Variants in NYAP2 observed in about 807,000 individuals in gnomAD.
NYAP2 encodes the protein neuronal tyrosine-phosphorylated phosphoinositide-3-kinase adapter 2.
NYAP2 carries 23 observed loss-of-function variants against 50.4 expected under a neutral mutation model. That is an observed-to-expected ratio of 0.46 (90% CI 0.33 to 0.65). The LOEUF (loss-of-function observed/expected upper bound fraction) is 0.65. Ranked by LOEUF, NYAP2 falls within the 30% of genes least tolerant of loss-of-function variation. The probability of loss-of-function intolerance (pLI) is 0.02; values close to 1 mark genes in which losing one functional copy is unlikely to be tolerated. For missense variants in NYAP2, 885 were observed against 861.0 expected, an observed-to-expected ratio of 1.03 and a Z score of -0.35; for synonymous variants, 394 against 365.2, an observed-to-expected ratio of 1.08 and a Z score of -0.90.
At chr2:225,665,265 C>T in the NYAP2 span, among the ~76,000 whole-genome samples, 2 of 152,032 alleles carry the variant, frequency 1.3e-5, no homozygotes, top group African/African-American at 4.8e-5. Context: ...GAGACCTCCT[C>T]CTTGGGTGAT....
chr2:225,506,299 G>T (rs928700391), intron 3 of NYAP2, among the ~76,000 whole-genome samples: 1 of 152,188 alleles, frequency 6.6e-6, no homozygotes, highest in Non-Finnish European at 1.5e-5. Context: ...GTAAGTGAAT[G>T]TGACCAGCCA....
intron 4 of NYAP2, among the ~76,000 whole-genome samples, chr2:225,533,457 C>T (rs777893807): frequency 2.0e-5 from 3 of 152,122 alleles, no homozygotes; most frequent in Admixed American, 6.5e-5. Flanking sequence ...AAGGCTAAGG[C>T]GGGTGGAGTG....
At chr2:225,537,881 G>A (rs553304552) in intron 4 of NYAP2, among the ~76,000 whole-genome samples, 1 of 152,328 alleles carries the variant, frequency 6.6e-6, no homozygotes, top group South Asian at 2.1e-4. Context: ...TGGGGATACA[G>A]GCATTGGATA....
intron 4 of NYAP2, among the ~76,000 whole-genome samples, chr2:225,564,815 A>G (rs1691935717): frequency 6.6e-6 from 1 of 152,118 alleles, no homozygotes. Flanking sequence ...AAAATAACTC[A>G]CCAATGTAAT....
chr2:225,513,753 T>G (rs1574652862), intron 4 of NYAP2, 81 bp downstream of exon 4: 1 of 1,129,738 alleles, frequency 8.9e-7, no homozygotes, highest in Non-Finnish European at 1.2e-6. Flanking sequence ...GGCAAGTGCC[T>G]TCTTCACTGG....
rs191311101 is a variant in NYAP2, at chr2:225,475,839, T to C, written c.222-37532T>C. Among the ~76,000 whole-genome samples, 8 of 152,300 alleles carry C rather than the reference T, an allele frequency of 5.3e-5. No homozygotes were observed. The East Asian group carries it at 1.5e-3, about 29-fold the overall frequency. ...TCAGTGTCTCATAAAAGCTATTTAT[T>C]TAGAATATTCTCTGGCAGTAGTGGT... On this transcript the variant is annotated intron_variant, in intron 3 of 6. Transcript: ENST00000636099.
intron 3 of NYAP2, among the ~76,000 whole-genome samples, chr2:225,473,467 C>T (rs1203144835): frequency 2.0e-5 from 3 of 152,168 alleles, no homozygotes; most frequent in Non-Finnish European, 4.4e-5. Context: ...CTCTCCAGCA[C>T]CTGTTGTTTC....
At chr2:225,519,389 A>AT (rs1691005216) in intron 4 of NYAP2, among the ~76,000 whole-genome samples, 1 of 150,874 alleles carries the variant, frequency 6.6e-6, no homozygotes, top group African/African-American at 2.4e-5. Context: ...ATCATTTAGC[A>AT]TTAGGTATAT....
intron 3 of NYAP2, among the ~76,000 whole-genome samples, chr2:225,494,772 A>G (rs1194045615): frequency 2.0e-5 from 3 of 152,188 alleles, no homozygotes; most frequent in East Asian, 3.8e-4. Context: ...TGGAGAAGGA[A>G]AAAGAAAGAG....
At chr2:225,405,619 T>C (rs1364257674) in intron 2 of NYAP2, among the ~76,000 whole-genome samples, 1 of 152,134 alleles carries the variant, frequency 6.6e-6, no homozygotes, top group African/African-American at 2.4e-5. Flanking sequence ...AAGTAGACAA[T>C]GAACATAAGG....
intron 3 of NYAP2, among the ~76,000 whole-genome samples, chr2:225,505,832 C>T (rs971562171): frequency 2.6e-5 from 4 of 152,186 alleles, no homozygotes; most frequent in African/African-American, 9.7e-5. Context: ...TAGCTATAGC[C>T]AGGTCTTCCT....
At chr2:225,606,715 A>G (rs1184879029) in intron 5 of NYAP2, among the ~76,000 whole-genome samples, 1 of 152,148 alleles carries the variant, frequency 6.6e-6, no homozygotes, top group Non-Finnish European at 1.5e-5. Context: ...TCCAATAGAT[A>G]ATTGGTCTAC....
intron 5 of NYAP2, among the ~76,000 whole-genome samples, chr2:225,615,127 C>T (rs561533831): frequency 6.6e-6 from 1 of 152,104 alleles, no homozygotes; most frequent in African/African-American, 2.4e-5. Flanking sequence ...AATGGCTAGA[C>T]CTCGGTTATA....
Position 225,582,711 on chromosome 2 carries a change from A to G in NYAP2, c.1294A>G (p.Ser432Gly). Residue 432 changes from serine (S) to glycine (G), a missense_variant, in exon 5 of 7, where the codon AGT (serine) becomes GGT (glycine). Physicochemically the swap from Ser to Gly is moderately conservative, Grantham distance 56. Coordinates refer to ENST00000636099, the Ensembl canonical transcript of NYAP2. This position sits in a 1 kb window ranked among gnomAD's most constrained non-coding sequence, Gnocchi z 7.0. Reference sequence around the variant, plus strand: ...CCAGTCTCCCCATGGCTACCCTAAAAGTCACTCCACCTCTCCCTCCCCCGT... The same window carrying G: ...CCAGTCTCCCCATGGCTACCCTAAAGGTCACTCCACCTCTCCCTCCCCCGT... 6.2e-7 allele frequency: 1 copy of G among 1,608,938 alleles called. No individual in the cohort carries two copies. The highest frequency in any genetic ancestry group is 8.5e-7 in the Non-Finnish European group (1 of 1,176,776).
chr2:225,412,156 A>C (rs1348874259), intron 3 of NYAP2, among the ~76,000 whole-genome samples: 1 of 146,610 alleles, frequency 6.8e-6, no homozygotes, highest in Non-Finnish European at 1.5e-5. Context: ...ATGGGGTTTT[A>C]CCATGTTGGC....
chr2:225,518,546 AT>A (rs1559202473), intron 4 of NYAP2, among the ~76,000 whole-genome samples: 956 of 74,312 alleles, frequency 0.013, 134 homozygotes, highest in East Asian at 0.06. Context: ...ATATATATAT[AT>A]ATATATATAT....
intron 3 of NYAP2, among the ~76,000 whole-genome samples, chr2:225,453,013 A>C (rs1407735148): frequency 1.3e-5 from 2 of 152,210 alleles, no homozygotes; most frequent in African/African-American, 2.4e-5. Context: ...TGCCCAGCTG[A>C]GTGATGAAAC....
intron 2 of NYAP2, among the ~76,000 whole-genome samples, chr2:225,402,880 A>T (rs1013886813): frequency 2.0e-5 from 3 of 151,736 alleles, no homozygotes; most frequent in African/African-American, 4.9e-5. Context: ...ATCAGAAAAA[A>T]ATTTTGACAT....
chr2:225,672,228 T>G, the NYAP2 span, among the ~76,000 whole-genome samples: 1 of 152,156 alleles, frequency 6.6e-6, no homozygotes, highest in Non-Finnish European at 1.5e-5. Context: ...AAAAGTCTTT[T>G]TAGTATAGCC....
Sources: allele counts gnomAD v4.1 joint callset (sites outside exome capture counted in the v4.1 genomes callset), GRCh38; gene constraint gnomAD v4.1.1; non-coding constraint Gnocchi (gnomAD v3.1); transcripts MANE v1.5; gene names NCBI Gene and HGNC (gene_info 2026-07-23, HGNC 2026-07-21).